The following USH2A variants were observed in gnomAD, a reference collection of about 807,000 sequenced individuals.
USH2A encodes the protein usherin, also known as Usher syndrome 2A (autosomal recessive, mild).
USH2A carries 443 observed loss-of-function variants against 538.9 expected under a neutral mutation model. That is an observed-to-expected ratio of 0.82 (90% CI 0.76 to 0.89). The LOEUF is 0.89. Among genes scored for constraint, USH2A ranks in the 40% least tolerant of loss-of-function variants. USH2A has a pLI of 0.00. For synonymous variants in USH2A, 2,413 were observed against 2,273.5 expected (o/e 1.06, Z -1.75); for missense variants, 6,633 against 6,324.8 (o/e 1.05, Z -1.65).
intron 38 of USH2A, among the ~76,000 whole-genome samples, chr1:215,921,319 A>G (rs1666094684): frequency 6.6e-6 from 1 of 152,004 alleles, no homozygotes; most frequent in Non-Finnish European, 1.5e-5. Context: ...CCTTCTCCAC[A>G]CAGGGTACGT....
chr1:216,300,430 G>C (rs2037192549), intron 9 of USH2A, among the ~76,000 whole-genome samples: 1 of 152,128 alleles, frequency 6.6e-6, no homozygotes. Context: ...CTTTACCACT[G>C]ATTCATTTAA....
rs78323603 is a variant in USH2A at position 216,056,730 on chromosome 1, G to A, written c.6050-8083C>T. Among the ~76,000 whole-genome samples the A allele has an allele frequency of 3.0e-3, 454 of 152,166 alleles. 5 individuals carry two copies. The highest frequency in any genetic ancestry group is 0.011 in the African/African-American group (446 of 41,516). On this transcript the variant is annotated intron_variant, in intron 30 of 71. Transcript: ENST00000307340. ...CCAAAATGAGCAAGTTTGTATGCCT[G>A]TAATATTCCTTTACAAAAATGACTG...
intron 52 of USH2A, among the ~76,000 whole-genome samples, chr1:215,785,585 A>C (rs1661774995): frequency 1.3e-5 from 2 of 152,208 alleles, no homozygotes; most frequent in South Asian, 4.1e-4. Flanking sequence ...GGTGCAGCAC[A>C]CCAACATGGC....
At chr1:215,858,452 AAGTGTTTGAC>A (rs1448081987) in intron 44 of USH2A, among the ~76,000 whole-genome samples, 111 of 150,196 alleles carry the variant, frequency 7.4e-4, no homozygotes, top group African/African-American at 2.7e-3. Context: ...ATGGTTTCAT[AAGTGTTTGAC>A]AGTTCCTCCT....
intron 3 of USH2A, among the ~76,000 whole-genome samples, chr1:216,377,867 G>T (rs2038863394): frequency 7.3e-6 from 1 of 137,870 alleles, no homozygotes; most frequent in South Asian, 2.4e-4. Flanking sequence ...AAGAAAGAAA[G>T]AAGGAAAGAA....
At chr1:216,192,115 A>G (rs1018492164) in intron 19 of USH2A, among the ~76,000 whole-genome samples, 1 of 152,020 alleles carries the variant, frequency 6.6e-6, no homozygotes, top group African/African-American at 2.4e-5. Context: ...GGTAGGAAAA[A>G]TTCTACAGCA....
intron 70 of USH2A, among the ~76,000 whole-genome samples, chr1:215,631,285 C>T (rs1057275146): frequency 6.6e-6 from 1 of 151,666 alleles, no homozygotes; most frequent in African/African-American, 2.4e-5. Flanking sequence ...TTGACCTACT[C>T]AAGTGAAAAG....
chr1:216,220,035 G>T (rs974221803), intron 14 of USH2A, among the ~76,000 whole-genome samples: 2 of 152,118 alleles, frequency 1.3e-5, no homozygotes, highest in African/African-American at 4.8e-5. Context: ...TCTTCCAGTT[G>T]TGGAAACAGT....
Position 215,648,614 on chromosome 1 carries a change from C to G in USH2A, c.14496G>C (p.Leu4832=). The stretch of plus-strand genomic sequence containing the variant: ...CCAGCGTCCCGATTTGTGGAGAGGA[C>G]AGTCCTGAGGGTGGGGCAGGATGGG... ...LRTHPAPPSG[L]SSPQIGTLAS... Residue 4832 remains leucine (L), a synonymous_variant, in exon 66 of 72, where the codon CTG becomes CTC. Transcript: ENST00000307340. The G allele has an allele frequency of 6.2e-7, 1 of 1,614,224 alleles. No homozygotes were observed. The highest frequency in any genetic ancestry group is 8.5e-7 in the Non-Finnish European group (1 of 1,180,036).
Position 216,078,084 on chromosome 1 carries a change from C to T in USH2A, c.5572+5G>A, listed in dbSNP as rs745400553. 12 of 1,613,414 alleles carry T rather than the reference C, an allele frequency of 7.4e-6. No individual in the cohort carries two copies. Among genetic ancestry groups the T allele is most frequent in the Non-Finnish European group, 9.3e-6 (11 of 1,179,656 alleles). On this transcript the variant is annotated splice_donor_5th_base_variant and intron_variant, in intron 27 of 71. Transcript: ENST00000307340. ...GATTTGTGAATTCCTCCAGATGGAA[C>T]TTACCTTGTTCCAAACACAAATGTT...
intron 21 of USH2A, among the ~76,000 whole-genome samples, chr1:216,100,374 C>G (rs997748856): frequency 1.3e-5 from 2 of 152,100 alleles, no homozygotes; most frequent in Non-Finnish European, 2.9e-5. Flanking sequence ...GAAACATAGA[C>G]GTAGAGTCTG....
chr1:215,918,281 C>T (rs1374005662), intron 38 of USH2A, among the ~76,000 whole-genome samples: 4 of 151,996 alleles, frequency 2.6e-5, no homozygotes, highest in Non-Finnish European at 4.4e-5. Flanking sequence ...TATGTCCCTC[C>T]TATAATTCTT....
chr1:215,983,115 T>TGTAAAATGTAAAA (rs1667788697), intron 35 of USH2A, among the ~76,000 whole-genome samples: 1 of 152,082 alleles, frequency 6.6e-6, no homozygotes, highest in Non-Finnish European at 1.5e-5. Flanking sequence ...CATGCCCAGA[T>TGTAAAATGTAAAA]AATTTTTGTA....
chr1:216,086,038 G>A (rs2032120564), intron 24 of USH2A, among the ~76,000 whole-genome samples: 1 of 151,992 alleles, frequency 6.6e-6, no homozygotes, highest in African/African-American at 2.4e-5. Context: ...TCTTAATGAG[G>A]ACTTGGGAAA....
At chr1:215,712,683 C>T (rs542699258) in intron 61 of USH2A, among the ~76,000 whole-genome samples, 1 of 152,166 alleles carries the variant, frequency 6.6e-6, no homozygotes, top group African/African-American at 2.4e-5. Flanking sequence ...GCCACAAGAC[C>T]ATTCTGCTAC....
In USH2A at chr1:216,325,635, A is replaced by T. The variant is rs758856046; in HGVS notation, c.849-36T>A. 11 of 1,598,926 alleles carry T rather than the reference A, an allele frequency of 6.9e-6. No individual in the cohort carries two copies. In the Admixed American group the frequency reaches 1.7e-4, roughly 25 times the overall value. On this transcript the variant is annotated intron_variant, in intron 5 of 71. Coordinates refer to ENST00000307340, the MANE Select transcript of USH2A (RefSeq NM_206933.4). ...CAAGAGGGAGACTGTAAGGACAAAGAGCTTAACAGTAATAGAACTTCTAGG... is the reference window on the plus strand; with the variant it reads ...CAAGAGGGAGACTGTAAGGACAAAGTGCTTAACAGTAATAGAACTTCTAGG...
In USH2A at chr1:215,779,959, A is replaced by T; in HGVS notation, c.10823T>A (p.Leu3608Gln). Residue 3608 changes from leucine to glutamine, a missense_variant, in exon 55 of 72, where the codon CTG becomes CAG. Coordinates refer to ENST00000307340, the MANE Select transcript of USH2A (RefSeq NM_206933.4). The part of the protein sequence containing the change: ...ITALSAVALH[L>Q]SWSVPEKSNG... ...TGATTTCTCAGGGACACTCCAGCTC[A>T]GATGCAGAGCCACTGCACTTAGGGC... 2.5e-6 allele frequency: 4 copies of T among 1,614,122 alleles called. No individual in the cohort carries two copies. The highest frequency in any genetic ancestry group is 3.4e-6 in the Non-Finnish European group (4 of 1,180,024).
intron 9 of USH2A, among the ~76,000 whole-genome samples, chr1:216,308,201 T>C (rs1030858552): frequency 7.2e-5 from 11 of 152,214 alleles, no homozygotes; most frequent in African/African-American, 2.4e-4. Context: ...AGTATGATTG[T>C]TTGAGAAGTC....
intron 21 of USH2A, among the ~76,000 whole-genome samples, chr1:216,110,081 T>C (rs1253482287): frequency 1.3e-5 from 2 of 152,186 alleles, no homozygotes; most frequent in African/African-American, 4.8e-5. Flanking sequence ...CTTTCTAGCT[T>C]TCAATAACAA....
Sources: gnomAD v4.1 joint callset for allele counts (sites outside exome capture counted in the v4.1 genomes callset) on GRCh38, gnomAD v4.1.1 for gene constraint, MANE v1.5 for transcripts, NCBI Gene and HGNC (gene_info 2026-07-23, HGNC 2026-07-21) for gene names.